Variants in EDIL3 observed in about 807,000 individuals in gnomAD.
The protein encoded by EDIL3 is EGF-like repeat and discoidin I-like domain-containing protein 3.
Under a neutral mutation model 67.4 loss-of-function variants are expected in EDIL3, and 37 were observed. The ratio of observed to expected loss-of-function variants is 0.55; its 90% CI spans 0.42 to 0.72. The LOEUF is 0.72. EDIL3 is among the 30% of genes least tolerant of loss of function. EDIL3 has a pLI of 0.00. For synonymous variants in EDIL3, 195 were observed against 196.3 expected, an observed-to-expected ratio of 0.99 and a Z score of 0.05; for missense variants, 527 against 586.3, an observed-to-expected ratio of 0.90 and a Z score of 1.04.
chr5:84,352,129 A>G (rs968138495), intron 1 of EDIL3, among the ~76,000 whole-genome samples: 3 of 152,134 alleles, frequency 2.0e-5, no homozygotes, highest in Non-Finnish European at 2.9e-5. Context: ...TAAAAAAATT[A>G]AAAAAACAAC....
intron 4 of EDIL3, among the ~76,000 whole-genome samples, chr5:84,141,559 G>T (rs1028739202): frequency 6.1e-5 from 9 of 146,634 alleles, no homozygotes; most frequent in African/African-American, 2.0e-4. Context: ...TGATTTTTTG[G>T]TGGAAGAAGA....
chr5:84,376,622 G>A (rs1467836040), intron 1 of EDIL3, among the ~76,000 whole-genome samples: 1 of 152,200 alleles, frequency 6.6e-6, no homozygotes, highest in East Asian at 1.9e-4. Context: ...ATGTAAGAAA[G>A]TGAAAAACAC....
intron 9 of EDIL3, among the ~76,000 whole-genome samples, chr5:84,049,300 CT>C (rs145921404): frequency 0.31 from 46,565 of 151,992 alleles, 7,244 homozygotes; most frequent in South Asian, 0.35. Flanking sequence ...ATATGCAAAT[CT>C]TCACTTTTGA....
chr5:84,060,356 G>T lies in EDIL3; in HGVS notation c.1081C>A (p.Gln361Lys), dbSNP rs1342427637. Residue 361 changes from glutamine (Q) to lysine (K), a missense_variant, in exon 9 of 11, where the codon CAA (glutamine) becomes AAA (lysine). Physicochemically the swap from Gln to Lys is moderately conservative, Grantham distance 53. Coordinates refer to ENST00000296591, the MANE Select transcript of EDIL3 (RefSeq NM_005711.5). ...GAGGTCCAGGCATTCACTTTGCCTT[G>T]CTTGTCCAGCCGAGCTTTCCTTGGT... ...WEPRKARLDK[Q>K]GKVNAWTSGH... is the part of the protein sequence containing the mutation. 1.4e-5 allele frequency: 23 copies of T among 1,613,866 alleles called. No individual in the cohort carries two copies. The highest frequency in any genetic ancestry group is 1.9e-5 in the Non-Finnish European group (23 of 1,179,852).
chr5:84,051,421 C>A (rs965481251), intron 9 of EDIL3, among the ~76,000 whole-genome samples: 3 of 152,206 alleles, frequency 2.0e-5, no homozygotes, highest in Non-Finnish European at 4.4e-5. Context: ...TGCAAAGGAA[C>A]GCAGCTCCTC....
rs187805620 is a variant in EDIL3, at chr5:84,339,392, A to T, written c.67+44916T>A. ...ATTGTTACTATTTTGTTCTCAAAAA[A>T]TATACTTACTTTTATCTCCTTTAAC... is the stretch of plus-strand genomic sequence containing the variant. On this transcript the variant is annotated intron_variant, in intron 1 of 10. Coordinates refer to ENST00000296591, the MANE Select transcript of EDIL3 (RefSeq NM_005711.5). Among the ~76,000 whole-genome samples the T allele has an allele frequency of 2.6e-3, 394 of 152,292 alleles. 3 individuals carry two copies. The highest frequency in any genetic ancestry group is 9.1e-3 in the African/African-American group (377 of 41,574).
intron 4 of EDIL3, among the ~76,000 whole-genome samples, chr5:84,165,458 G>A (rs955608644): frequency 1.3e-5 from 2 of 152,080 alleles, no homozygotes; most frequent in Non-Finnish European, 1.5e-5. Context: ...GGCAACTCTT[G>A]TGCTGCATTC....
At chr5:84,181,335 C>T (rs931677191) in intron 3 of EDIL3, 1 of 152,168 alleles carries the variant, frequency 6.6e-6, no homozygotes, top group Non-Finnish European at 1.5e-5. Flanking sequence ...TCTGCTGTGG[C>T]AGCATTTATT....
rs189541824 is a variant in EDIL3 at position 84,031,349 on chromosome 5, C to T, written c.1137+28951G>A. Among the ~76,000 whole-genome samples the T allele has an allele frequency of 1.7e-4, 26 of 152,116 alleles. No individual in the cohort carries two copies. In the East Asian group the frequency reaches 5.0e-3, roughly 29 times the overall value. On this transcript the variant is annotated intron_variant, in intron 9 of 10. Coordinates refer to ENST00000296591, the MANE Select transcript of EDIL3 (RefSeq NM_005711.5). ...TTCAAGCTTTGACTGGATGTTTTGGCATTAAGAAATTTTGCTAAATTCAAA... is the reference window on the plus strand; with the variant it reads ...TTCAAGCTTTGACTGGATGTTTTGGTATTAAGAAATTTTGCTAAATTCAAA...
chr5:84,037,442 G>C (rs1476239634), intron 9 of EDIL3, among the ~76,000 whole-genome samples: 2 of 152,010 alleles, frequency 1.3e-5, no homozygotes, highest in Admixed American at 6.6e-5. Flanking sequence ...TAGGTAAACT[G>C]TTTTCAAATC....
chr5:83,995,160 A>G (rs954299065), intron 9 of EDIL3, among the ~76,000 whole-genome samples: 38 of 150,432 alleles, frequency 2.5e-4, no homozygotes, highest in Non-Finnish European at 4.6e-4. Flanking sequence ...ACACACATAC[A>G]CACACACACA....
chr5:84,126,462 T>TA (rs966338654), intron 5 of EDIL3, among the ~76,000 whole-genome samples: 5 of 152,086 alleles, frequency 3.3e-5, no homozygotes, highest in African/African-American at 1.2e-4. Flanking sequence ...TCAAAATATT[T>TA]AAAAATATGT....
At chr5:84,216,744 G>A (rs1185354532) in intron 3 of EDIL3, among the ~76,000 whole-genome samples, 2 of 152,108 alleles carry the variant, frequency 1.3e-5, no homozygotes, top group African/African-American at 2.4e-5. Flanking sequence ...ATATTAATAT[G>A]GCAAACAGCA....
chr5:84,285,950 G>A (rs1165173702), intron 1 of EDIL3, among the ~76,000 whole-genome samples: 4 of 152,178 alleles, frequency 2.6e-5, no homozygotes, highest in Non-Finnish European at 4.4e-5. Flanking sequence ...TATTATACGT[G>A]TAGTTCCTTT....
chr5:84,017,724 A>T (rs1045858377), intron 9 of EDIL3, among the ~76,000 whole-genome samples: 9 of 152,226 alleles, frequency 5.9e-5, no homozygotes, highest in Non-Finnish European at 1.0e-4. Flanking sequence ...CATGAATTAC[A>T]AATATTACAA....
intron 10 of EDIL3, among the ~76,000 whole-genome samples, chr5:83,950,295 G>A (rs1744395199): frequency 6.6e-6 from 1 of 151,772 alleles, no homozygotes; most frequent in African/African-American, 2.4e-5. Flanking sequence ...ATGATCTTGG[G>A]GAACTGTGAA....
chr5:84,322,781 G>A (rs916527063), intron 1 of EDIL3, among the ~76,000 whole-genome samples: 5 of 151,920 alleles, frequency 3.3e-5, no homozygotes, highest in Non-Finnish European at 7.4e-5. Flanking sequence ...ATAAAACTTT[G>A]AAAAGAAAAA....
chr5:84,206,396 T>A (rs1165244170), intron 3 of EDIL3, among the ~76,000 whole-genome samples: 1 of 152,080 alleles, frequency 6.6e-6, no homozygotes, highest in East Asian at 1.9e-4. Context: ...TCTGTTGATT[T>A]GGGGTGGAGA....
At chr5:84,039,429 T>G (rs930493493) in intron 9 of EDIL3, among the ~76,000 whole-genome samples, 1 of 152,164 alleles carries the variant, frequency 6.6e-6, no homozygotes, top group African/African-American at 2.4e-5. Flanking sequence ...AAATAGAGAT[T>G]AAAACTTTTG....
Sources: allele counts gnomAD v4.1 joint callset (sites outside exome capture counted in the v4.1 genomes callset), GRCh38; gene constraint gnomAD v4.1.1; transcripts MANE v1.5; gene names NCBI Gene and HGNC (gene_info 2026-07-23, HGNC 2026-07-21).